ENTPD1: variants seen among roughly 807,000 people sequenced by gnomAD.
ENTPD1 encodes the protein ATP diphosphohydrolase.
A neutral mutation model predicts 57.0 loss-of-function variants in ENTPD1; 33 were observed. The observed-to-expected ratio is 0.58, with a 90% confidence interval of 0.44 to 0.77. The LOEUF (loss-of-function observed/expected upper bound fraction) is 0.77, where lower values mean the gene tolerates loss of function less well. ENTPD1 is among the 30% of genes least tolerant of loss of function. The probability of loss-of-function intolerance (pLI) is 0.00; values close to 1 mark genes in which losing one functional copy is unlikely to be tolerated. For synonymous variants in ENTPD1, 202 were observed against 218.8 expected (o/e 0.92, Z 0.68); for missense variants, 501 against 603.4 (o/e 0.83, Z 1.78).
chr10:95,829,675 A>T (rs555618793), intron 2 of ENTPD1, among the ~76,000 whole-genome samples: 1 of 152,332 alleles, frequency 6.6e-6, no homozygotes, highest in East Asian at 1.9e-4. Flanking sequence ...GCCCAGAGAA[A>T]GAAGCTGCTA....
chr10:95,823,473 A>G, intron 2 of ENTPD1, 109 bp downstream of exon 2: 1 of 1,535,712 alleles, frequency 6.5e-7, no homozygotes, highest in Non-Finnish European at 8.9e-7. Context: ...TGAGGTTCTA[A>G]CAGCCCAGGA....
chr10:95,747,608 G>A (rs2098007485), intron 1 of ENTPD1, among the ~76,000 whole-genome samples: 1 of 152,148 alleles, frequency 6.6e-6, no homozygotes. Flanking sequence ...TTCCTGCTTG[G>A]TCACTGTTGG....
At chr10:95,822,862 T>TG (rs2098358559) in intron 1 of ENTPD1, among the ~76,000 whole-genome samples, 1 of 152,190 alleles carries the variant, frequency 6.6e-6, no homozygotes, top group Non-Finnish European at 1.5e-5. Context: ...AAACATTTTG[T>TG]GGTAGATTTC....
At chr10:95,755,659 C>G (rs962100180), upstream of ENTPD1, 7 of 1,535,506 alleles carry the variant, frequency 4.6e-6, no homozygotes, top group South Asian at 8.3e-5. Context: ...TCACCTGTTG[C>G]TCTTTGCTCT....
chr10:95,847,961 T>C (rs1260698996), intron 7 of ENTPD1, among the ~76,000 whole-genome samples: 1 of 152,164 alleles, frequency 6.6e-6, no homozygotes. Flanking sequence ...CCTTTTTGGC[T>C]CTAGGCAGCA....
At chr10:95,795,679 G>T (rs1179777775) in intron 1 of ENTPD1, among the ~76,000 whole-genome samples, 1 of 152,106 alleles carries the variant, frequency 6.6e-6, no homozygotes, top group Non-Finnish European at 1.5e-5. Context: ...ATTTAGACAG[G>T]TTAAATAACT....
chr10:95,725,404 A>G (rs1490483736), intron 1 of ENTPD1, among the ~76,000 whole-genome samples: 1 of 152,056 alleles, frequency 6.6e-6, no homozygotes, highest in Non-Finnish European at 1.5e-5. Flanking sequence ...TTCTTTGCAT[A>G]TCTAGTGATT....
the ENTPD1 span, among the ~76,000 whole-genome samples, chr10:95,705,670 T>C: frequency 6.6e-6 from 1 of 152,198 alleles, no homozygotes; most frequent in Non-Finnish European, 1.5e-5. Context: ...TTTTGTATTT[T>C]TAGTAGAGAT....
chr10:95,704,362 G>A, the ENTPD1 span, among the ~76,000 whole-genome samples: 10 of 152,136 alleles, frequency 6.6e-5, no homozygotes, highest in East Asian at 1.9e-3. Context: ...AAGGCTAGAA[G>A]GCCTCTACCT....
upstream of ENTPD1, among the ~76,000 whole-genome samples, chr10:95,750,990 T>C (rs1344774262): frequency 6.6e-6 from 1 of 152,088 alleles, no homozygotes; most frequent in Non-Finnish European, 1.5e-5. Context: ...ACCACTGGAC[T>C]CCAGCCTGGG....
chr10:95,817,004 T>C (rs2098332134), intron 1 of ENTPD1, among the ~76,000 whole-genome samples: 1 of 152,218 alleles, frequency 6.6e-6, no homozygotes, highest in Non-Finnish European at 1.5e-5. Context: ...GCAGATACTA[T>C]TGTGACTCCC....
At position 95,854,872 on chromosome 10, in the gene ENTPD1, A is replaced by G. The variant is rs548918102; in HGVS notation, c.1075-5597A>G. 5.3e-5 allele frequency among the ~76,000 whole-genome samples: 8 copies of G among 152,280 alleles called. No individual in the cohort carries two copies. The East Asian group carries it at 5.8e-4, about 11-fold the overall frequency. ...TTCCAACTATGTGGTCAATTTTGGA[A>G]TAAGTGTGGTGTGGCGCTGAAAAGA... is the stretch of plus-strand genomic sequence containing the variant. On this transcript the variant is annotated intron_variant, in intron 7 of 9. Transcript: ENST00000371205.
At chr10:95,778,481 A>AAAGT (rs10631606) in intron 1 of ENTPD1, among the ~76,000 whole-genome samples, 81,349 of 151,164 alleles carry the variant, frequency 0.54, 22,226 homozygotes, top group Admixed American at 0.63. Flanking sequence ...TACCTAAAAG[A>AAAGT]TTTTTTTCTT....
the ENTPD1 span, among the ~76,000 whole-genome samples, chr10:95,699,645 A>G: frequency 6.6e-6 from 1 of 152,072 alleles, no homozygotes; most frequent in African/African-American, 2.4e-5. Flanking sequence ...AGAGAAAGAG[A>G]GAAGAAAAGA....
chr10:95,789,565 T>C (rs2098194567), intron 1 of ENTPD1, among the ~76,000 whole-genome samples: 1 of 151,984 alleles, frequency 6.6e-6, no homozygotes, highest in Non-Finnish European at 1.5e-5. Flanking sequence ...TTGCAACAAT[T>C]GGAAAAACTC....
chr10:95,724,410 G>C (rs924212191), intron 1 of ENTPD1, among the ~76,000 whole-genome samples: 1 of 152,100 alleles, frequency 6.6e-6, no homozygotes, highest in Non-Finnish European at 1.5e-5. Context: ...CCAAGATCGT[G>C]GGCCATTTCC....
chr10:95,810,616 A>G (rs530565548), intron 1 of ENTPD1, among the ~76,000 whole-genome samples: 1 of 152,318 alleles, frequency 6.6e-6, no homozygotes, highest in African/African-American at 2.4e-5. Flanking sequence ...ATATTCACAT[A>G]TTCCTTCTTC....
At chr10:95,695,504 C>G in the ENTPD1 span, among the ~76,000 whole-genome samples, 2 of 152,166 alleles carry the variant, frequency 1.3e-5, no homozygotes, top group East Asian at 3.8e-4. Context: ...TACTTGAATT[C>G]TCTTACAAGA....
At position 95,876,426 on chromosome 10, in the gene ENTPD1, TC is replaced by T; in HGVS notation, c.*10044del. 7 of 1,231,338 alleles carry T rather than the reference TC, an allele frequency of 5.7e-6. No homozygotes were observed. The highest frequency in any genetic ancestry group is 7.1e-6 in the Non-Finnish European group (7 of 987,732). 76.3% of individuals were successfully genotyped at this position (1,231,338 alleles called of 1,614,324 possible). On this transcript the variant is annotated 3_prime_UTR_variant, in exon 10 of 10. Transcript: ENST00000371205. ...TCATAATGTTCCCTTTCTCCTCGGT[TC>T]TGCAATCTATAGGCATACCATAATT... is the stretch of plus-strand genomic sequence containing the variant.
Sources: gnomAD v4.1 joint callset for allele counts (sites outside exome capture counted in the v4.1 genomes callset) on GRCh38, gnomAD v4.1.1 for gene constraint, MANE v1.5 for transcripts, NCBI Gene and HGNC (gene_info 2026-07-23, HGNC 2026-07-21) for gene names.